Variants in MYCBP2 observed in about 807,000 individuals in gnomAD.
MYCBP2 encodes E3 ubiquitin-protein ligase MYCBP2.
A neutral mutation model predicts 525.3 loss-of-function variants in MYCBP2; 120 were observed. The observed-to-expected ratio is 0.23, with a 90% CI of 0.20 to 0.27. The LOEUF (loss-of-function observed/expected upper bound fraction) is 0.27, where lower values mean the gene tolerates loss of function less well. Ranked by LOEUF, MYCBP2 falls within the 10% of genes least tolerant of loss-of-function variation. MYCBP2 has a pLI of 1.00. For missense variants in MYCBP2, 4,149 were observed against 5,657.1 expected (o/e 0.73, Z 8.55); for synonymous variants, 1,894 against 1,955.8 (o/e 0.97, Z 0.83).
In MYCBP2 at chr13:77,257,667, C is replaced by G. The variant is rs961965338; in HGVS notation, c.2176+4G>C. On this transcript the variant is annotated splice_donor_region_variant and intron_variant, in intron 14 of 82. Coordinates refer to ENST00000544440, the MANE Select transcript of MYCBP2 (RefSeq NM_015057.5). ...ATTTTAATATCTAAGAATTAAAGACCTACCTTTCCCACCTTGGTTCATGGC... is the reference window on the plus strand; with the variant it reads ...ATTTTAATATCTAAGAATTAAAGACGTACCTTTCCCACCTTGGTTCATGGC... 2 of 1,550,110 alleles carry G rather than the reference C, an allele frequency of 1.3e-6. No homozygotes were observed. The highest frequency in any genetic ancestry group is 8.7e-7 in the Non-Finnish European group (1 of 1,153,880).
chr13:77,149,840 C>T (rs1415024277), intron 47 of MYCBP2, among the ~76,000 whole-genome samples: 2 of 152,222 alleles, frequency 1.3e-5, no homozygotes, highest in Non-Finnish European at 2.9e-5. Flanking sequence ...TGACAACTCA[C>T]TAGTCCAACT....
intron 62 of MYCBP2, among the ~76,000 whole-genome samples, chr13:77,085,705 A>G (rs1430866541): frequency 1.3e-5 from 2 of 152,156 alleles, no homozygotes; most frequent in African/African-American, 2.4e-5. Context: ...TCTTTCTTGA[A>G]TGCTTCTGGC....
At chr13:77,120,221 G>A (rs2154156406) in intron 55 of MYCBP2, among the ~76,000 whole-genome samples, 1 of 152,042 alleles carries the variant, frequency 6.6e-6, no homozygotes, top group South Asian at 2.1e-4. Flanking sequence ...ACACCACCAA[G>A]CATTTACACT....
chr13:77,263,832 G>A (rs1331815123), intron 9 of MYCBP2, 43 bp from the exon 10 acceptor site: 1 of 1,611,100 alleles, frequency 6.2e-7, no homozygotes. Flanking sequence ...TACATAAAGA[G>A]GTCGTTCAAG....
Position 77,303,268 on chromosome 13 carries a change from G to C in MYCBP2, c.303-6594C>G, listed in dbSNP as rs373306699. On this transcript the variant is annotated intron_variant, in intron 1 of 82. Transcript: ENST00000544440. ...GAATCGCTTGAACCCGAGAGGTGGC[G>C]GTTGCAGTGTGCGTAGATCACACCA... 1.3e-5 allele frequency among the ~76,000 whole-genome samples: 2 copies of C among 152,220 alleles called. 1 individual carries two copies. The highest frequency in any genetic ancestry group is 2.9e-5 in the Non-Finnish European group (2 of 68,040).
intron 55 of MYCBP2, chr13:77,103,427 TAA>T (rs1429865587): frequency 2.6e-6 from 1 of 392,020 alleles, no homozygotes; most frequent in Non-Finnish European, 4.5e-6. Context: ...ACTGTTATTT[TAA>T]ATAGTTTATA....
At position 77,209,359 on chromosome 13, in the gene MYCBP2, C is replaced by G. The variant is rs577432150; in HGVS notation, c.3416+1808G>C. Reference sequence around the variant, plus strand: ...TAGTGAATGCATCCAGAAACAGATTCCACACTGCCAATTTTTATTTTTGTT... The same window carrying G: ...TAGTGAATGCATCCAGAAACAGATTGCACACTGCCAATTTTTATTTTTGTT... On this transcript the variant is annotated intron_variant, in intron 23 of 82. Transcript: ENST00000544440. Among the ~76,000 whole-genome samples the G allele has an allele frequency of 2.6e-5, 4 of 152,294 alleles. No homozygotes were observed. The South Asian group carries it at 8.3e-4, about 32-fold the overall frequency.
intron 52 of MYCBP2, among the ~76,000 whole-genome samples, chr13:77,135,668 C>T (rs1414075592): frequency 6.6e-6 from 1 of 152,148 alleles, no homozygotes; most frequent in East Asian, 1.9e-4. Flanking sequence ...CATCTGTCAT[C>T]TTTGATCACC....
intron 8 of MYCBP2, among the ~76,000 whole-genome samples, chr13:77,267,038 A>C (rs147005501): frequency 1.8e-4 from 28 of 152,252 alleles, no homozygotes; most frequent in African/African-American, 6.7e-4. Flanking sequence ...TCTCACTTTC[A>C]GATGGTCAAA....
intron 1 of MYCBP2, among the ~76,000 whole-genome samples, chr13:77,304,324 C>T (rs2079140030): frequency 6.6e-6 from 1 of 152,122 alleles, no homozygotes; most frequent in Non-Finnish European, 1.5e-5. Flanking sequence ...CTGTCATTTG[C>T]AGCACCGTGG....
chr13:77,130,378 T>C (rs1021075987), intron 52 of MYCBP2, among the ~76,000 whole-genome samples: 1 of 151,854 alleles, frequency 6.6e-6, no homozygotes, highest in Non-Finnish European at 1.5e-5. Context: ...CTTTATTTAC[T>C]GTTTTCTAGT....
chr13:77,146,438 G>GA (rs2055570385), intron 47 of MYCBP2, among the ~76,000 whole-genome samples: 2 of 149,518 alleles, frequency 1.3e-5, no homozygotes, highest in South Asian at 4.2e-4. Flanking sequence ...AAAAGCAAAA[G>GA]AAAAAAACAG....
intron 52 of MYCBP2, among the ~76,000 whole-genome samples, chr13:77,135,992 C>T (rs574254019): frequency 7.9e-5 from 12 of 152,158 alleles, no homozygotes; most frequent in South Asian, 4.2e-4. Flanking sequence ...TCCACCACCA[C>T]GCCTGGCTAA....
In MYCBP2 at chr13:77,326,410, CGCGCGGCAT is replaced by C. The variant is rs2082318098; in HGVS notation, c.302+55_302+63del. The C allele has an allele frequency of 6.9e-7, 1 of 1,454,464 alleles. No homozygotes were observed. The highest frequency in any genetic ancestry group is 2.7e-5 in the East Asian group (1 of 37,662). 90.1% of individuals were successfully genotyped at this position (1,454,464 alleles called of 1,614,324 possible). A position where few individuals can be genotyped will look rare whatever the true frequency, so the allele number is the denominator to read the frequency against. On this transcript the variant is annotated intron_variant, in intron 1 of 82. Transcript: ENST00000544440. The surrounding 1 kb of genome is among the most constrained non-coding windows in gnomAD (Gnocchi z 4.2). Reference sequence around the variant, plus strand: ...GCAAGCACACACACACGCGGGTGCACGCGCGGCATGGGGCGCAAGGAAGGGCGGCATGGG... The same window carrying C: ...GCAAGCACACACACACGCGGGTGCACGGGGCGCAAGGAAGGGCGGCATGGG...
intron 6 of MYCBP2, 54 bp downstream of exon 6, chr13:77,270,242 A>G (rs1395274913): frequency 1.3e-6 from 2 of 1,542,844 alleles, no homozygotes; most frequent in Non-Finnish European, 1.7e-6. Flanking sequence ...ACAGAACACA[A>G]TTCATTATGG....
chr13:77,320,488 AT>A (rs1054957414), intron 1 of MYCBP2, among the ~76,000 whole-genome samples: 2 of 152,190 alleles, frequency 1.3e-5, no homozygotes, highest in African/African-American at 4.8e-5. Context: ...TAACAGAATT[AT>A]TTTTTAATTC....
chr13:77,077,478 T>G, intron 66 of MYCBP2, 91 bp from the exon 67 acceptor site: 1 of 1,457,986 alleles, frequency 6.9e-7, no homozygotes, highest in Non-Finnish European at 9.4e-7. Flanking sequence ...CAAGCTCAAA[T>G]AACAAAGAAT....
Position 77,311,581 on chromosome 13 carries a change from T to A in MYCBP2, c.302+14893A>T, listed in dbSNP as rs538649038. Among the ~76,000 whole-genome samples, 5 of 146,868 alleles carry A rather than the reference T, an allele frequency of 3.4e-5. No homozygotes were observed. The East Asian group carries it at 7.7e-4, about 23-fold the overall frequency. ...TTTTTTTTTGTTTTTTTTTTTTTGT[T>A]TTTTTTTTAAAGAACCAAATGTAAA... On this transcript the variant is annotated intron_variant, in intron 1 of 82. Coordinates refer to ENST00000544440, the MANE Select transcript of MYCBP2 (RefSeq NM_015057.5).
At chr13:77,129,026 G>A in intron 52 of MYCBP2, 3 of 388,610 alleles carry the variant, frequency 7.7e-6, no homozygotes, top group Non-Finnish European at 1.4e-5. Context: ...CTCAATTGCA[G>A]CACTTCATAT....
Sources: allele counts gnomAD v4.1 joint callset (sites outside exome capture counted in the v4.1 genomes callset), GRCh38; gene constraint gnomAD v4.1.1; non-coding constraint Gnocchi (gnomAD v3.1); transcripts MANE v1.5; gene names NCBI Gene and HGNC (gene_info 2026-07-23, HGNC 2026-07-21).